Variants in ARL15 observed in about 807,000 individuals in gnomAD.
ARL15 encodes the protein ADP-ribosylation factor-like protein 15.
Under a neutral mutation model 25.2 loss-of-function variants are expected in ARL15, and 19 were observed. The ratio of observed to expected loss-of-function variants is 0.75; its 90% CI spans 0.53 to 1.10. ARL15 has a LOEUF of 1.10. Ranked by LOEUF, ARL15 falls within the 50% of genes least tolerant of loss-of-function variation. The probability of loss-of-function intolerance (pLI) is 0.00; values close to 1 mark genes in which losing one functional copy is unlikely to be tolerated. For synonymous variants in ARL15, 94 were observed against 86.8 expected, an observed-to-expected ratio of 1.08 and a Z score of -0.46; for missense variants, 220 against 246.0, an observed-to-expected ratio of 0.89 and a Z score of 0.71.
At chr5:54,229,917 C>T (rs1050662246) in intron 1 of ARL15, among the ~76,000 whole-genome samples, 3 of 152,230 alleles carry the variant, frequency 2.0e-5, no homozygotes, top group Admixed American at 1.3e-4. Flanking sequence ...TCATAGATGC[C>T]TTCAGGACAG....
At chr5:54,019,913 C>G (rs907246197) in intron 4 of ARL15, among the ~76,000 whole-genome samples, 3 of 152,198 alleles carry the variant, frequency 2.0e-5, no homozygotes, top group African/African-American at 7.2e-5. Flanking sequence ...TCATCTACAG[C>G]ACACTTTGCA....
At chr5:53,996,586 T>C (rs374223014) in intron 4 of ARL15, among the ~76,000 whole-genome samples, 18 of 132,838 alleles carry the variant, frequency 1.4e-4, no homozygotes, top group African/African-American at 4.6e-4. Context: ...ACCACTGCAC[T>C]CCAGCCTGGG....
intron 4 of ARL15, among the ~76,000 whole-genome samples, chr5:53,940,900 T>C (rs1746521469): frequency 6.6e-6 from 1 of 152,182 alleles, no homozygotes; most frequent in Non-Finnish European, 1.5e-5. Flanking sequence ...AAAAGCAAAC[T>C]GTTTCACCAA....
intron 4 of ARL15, among the ~76,000 whole-genome samples, chr5:53,916,850 A>G (rs575719845): frequency 3.3e-5 from 5 of 152,304 alleles, no homozygotes; most frequent in Non-Finnish European, 7.4e-5. Flanking sequence ...ACATCCCAAC[A>G]TTTGATGTTT....
At chr5:54,172,076 A>G (rs1268377153) in intron 1 of ARL15, 148 bp from the exon 2 acceptor site, 1 of 914,952 alleles carries the variant, frequency 1.1e-6, no homozygotes, top group Non-Finnish European at 1.5e-6. Flanking sequence ...AGAACAGTGA[A>G]ACCTGGAGAC....
intron 4 of ARL15, among the ~76,000 whole-genome samples, chr5:53,911,047 T>C (rs924103292): frequency 6.6e-6 from 1 of 152,188 alleles, no homozygotes; most frequent in Non-Finnish European, 1.5e-5. Flanking sequence ...CAATTATCTC[T>C]TTCCTTGGCA....
chr5:54,111,491 T>C (rs1752738693), intron 4 of ARL15, among the ~76,000 whole-genome samples: 1 of 152,096 alleles, frequency 6.6e-6, no homozygotes, highest in Admixed American at 6.5e-5. Context: ...CTATGGAGGG[T>C]AACCATAAGT....
intron 4 of ARL15, among the ~76,000 whole-genome samples, chr5:53,929,782 A>C (rs1746142984): frequency 6.6e-6 from 1 of 152,048 alleles, no homozygotes; most frequent in Non-Finnish European, 1.5e-5. Context: ...TTCTCAGTCA[A>C]AGTCCCCCCT....
chr5:54,232,003 C>A lies in ARL15; in HGVS notation c.49-60075G>T, dbSNP rs115976161. 7.7e-3 allele frequency among the ~76,000 whole-genome samples: 1,169 copies of A among 152,294 alleles called. 12 individuals are homozygous for A. Among genetic ancestry groups the A allele is most frequent in the African/African-American group, 0.027 (1,105 of 41,554 alleles). On this transcript the variant is annotated intron_variant, in intron 1 of 4. Transcript: ENST00000504924. ...GACCACTTAGCAGTCTACGCTGCGG[C>A]CACACTGACTGCTCATGTGCTGTCT... is the stretch of plus-strand genomic sequence containing the variant.
chr5:54,233,687 C>A (rs1756729463), intron 1 of ARL15, among the ~76,000 whole-genome samples: 1 of 152,148 alleles, frequency 6.6e-6, no homozygotes, highest in South Asian at 2.1e-4. Context: ...GGCAACTAGC[C>A]CCTAAGGAAC....
chr5:54,196,706 G>C (rs1755560231), intron 1 of ARL15, among the ~76,000 whole-genome samples: 1 of 151,980 alleles, frequency 6.6e-6, no homozygotes, highest in African/African-American at 2.4e-5. Flanking sequence ...CACATTCAGT[G>C]CTCTTTCTTC....
intron 1 of ARL15, among the ~76,000 whole-genome samples, chr5:54,254,352 A>T (rs1757315018): frequency 6.6e-6 from 1 of 152,204 alleles, no homozygotes; most frequent in South Asian, 2.1e-4. Flanking sequence ...GACTTATTAC[A>T]AAATTATACA....
At chr5:54,062,201 A>G (rs888589153) in intron 4 of ARL15, among the ~76,000 whole-genome samples, 1 of 152,202 alleles carries the variant, frequency 6.6e-6, no homozygotes, top group African/African-American at 2.4e-5. Context: ...TTGATTTTAC[A>G]GGCTCATAGG....
At chr5:54,029,740 T>C (rs1345572580) in intron 4 of ARL15, among the ~76,000 whole-genome samples, 16 of 152,116 alleles carry the variant, frequency 1.1e-4, no homozygotes, top group Admixed American at 1.0e-3. Context: ...ACGCCTGTAA[T>C]CTCAGCACTT....
At chr5:54,308,511 C>T (rs779690451) in intron 1 of ARL15, among the ~76,000 whole-genome samples, 2 of 151,996 alleles carry the variant, frequency 1.3e-5, no homozygotes, top group Non-Finnish European at 1.5e-5. Flanking sequence ...AGTAAATTGG[C>T]AAAGAAATTA....
At chr5:53,928,244 A>G (rs1430148735) in intron 4 of ARL15, among the ~76,000 whole-genome samples, 2 of 152,186 alleles carry the variant, frequency 1.3e-5, no homozygotes, top group Admixed American at 6.5e-5. Flanking sequence ...TTGCTTAGGT[A>G]GTTTAGATAT....
At chr5:54,146,680 G>A (rs771241972) in intron 3 of ARL15, among the ~76,000 whole-genome samples, 3 of 152,100 alleles carry the variant, frequency 2.0e-5, no homozygotes, top group Non-Finnish European at 2.9e-5. Flanking sequence ...TGGAAGATAC[G>A]AAATGACCTG....
chr5:54,260,681 G>C (rs1300673021), intron 1 of ARL15, among the ~76,000 whole-genome samples: 2 of 152,140 alleles, frequency 1.3e-5, no homozygotes, highest in Non-Finnish European at 2.9e-5. Context: ...TATCTCAAGA[G>C]GGCAGAGTGC....
intron 4 of ARL15, among the ~76,000 whole-genome samples, chr5:54,001,455 C>G (rs572665096): frequency 1.3e-5 from 2 of 152,324 alleles, no homozygotes; most frequent in South Asian, 4.1e-4. Flanking sequence ...ACTTCAAAAT[C>G]TATCTGGTTT....
Sources: allele counts gnomAD v4.1 joint callset (sites outside exome capture counted in the v4.1 genomes callset), GRCh38; gene constraint gnomAD v4.1.1; transcripts MANE v1.5; gene names NCBI Gene and HGNC (gene_info 2026-07-23, HGNC 2026-07-21).